Variants in NFIB observed in about 807,000 individuals in gnomAD.
NFIB encodes the protein nuclear factor I B.
A neutral mutation model predicts 61.5 loss-of-function variants in NFIB; 11 were observed. The observed-to-expected ratio is 0.18, with a 90% CI of 0.11 to 0.30. The LOEUF is 0.30. Ranked by LOEUF, NFIB falls within the 10% of genes least tolerant of loss-of-function variation. NFIB has a pLI of 1.00. For missense variants in NFIB, 471 were observed against 608.9 expected, an observed-to-expected ratio of 0.77 and a Z score of 2.38; for synonymous variants, 260 against 216.5, an observed-to-expected ratio of 1.20 and a Z score of -1.76.
the NFIB span, among the ~76,000 whole-genome samples, chr9:14,424,715 C>T: frequency 2.0e-5 from 3 of 152,112 alleles, no homozygotes; most frequent in Admixed American, 6.5e-5. Flanking sequence ...GCTCCGAGGG[C>T]GGGTTCTTGA....
intron 4 of NFIB, among the ~76,000 whole-genome samples, chr9:14,155,099 A>C (rs1168257668): frequency 6.6e-6 from 1 of 152,222 alleles, no homozygotes; most frequent in African/African-American, 2.4e-5. Context: ...AAATCAGTGA[A>C]GGGAGTATGA....
In NFIB at chr9:14,307,266, G is replaced by A. The variant is rs147319998; in HGVS notation, c.285C>T (p.Thr95=). The A allele has an allele frequency of 1.9e-5, 30 of 1,613,830 alleles. No homozygotes were observed. The Admixed American group carries it at 2.3e-4, about 13-fold the overall frequency. Residue 95 remains threonine, a synonymous_variant, in exon 2 of 11, where the codon ACC becomes ACT. Transcript: ENST00000380953. The surrounding 1 kb of genome is among the most constrained non-coding windows in gnomAD (Gnocchi z 5.3). The part of the protein sequence containing the change: ...RQEYREDFVL[T]VTGKKHPCCV... ...AGCACGGGTGCTTCTTGCCAGTCAC[G>A]GTGAGCACAAAGTCCTCTCGATACT...
At chr9:14,531,871 AG>A in the NFIB span, 3 of 152,074 alleles carry the variant, frequency 2.0e-5, no homozygotes, top group African/African-American at 4.8e-5. Context: ...ATGGAACAAT[AG>A]AGGAGGAGCT....
At chr9:14,162,261 A>G (rs575710751) in intron 3 of NFIB, among the ~76,000 whole-genome samples, 4 of 151,830 alleles carry the variant, frequency 2.6e-5, no homozygotes, top group Non-Finnish European at 1.5e-5. Context: ...TTTTTTTCTC[A>G]TTATCTGAAA....
intron 1 of NFIB, chr9:14,362,249 A>G (rs1204715282): frequency 6.6e-6 from 1 of 152,212 alleles, no homozygotes; most frequent in Non-Finnish European, 1.5e-5. Context: ...AGATATTTCA[A>G]AGCTGCCTGG....
Position 14,088,822 on chromosome 9 carries a change from G to A in NFIB, c.1468-496C>T, listed in dbSNP as rs142868938. Among the ~76,000 whole-genome samples, 208 of 152,126 alleles carry A rather than the reference G, an allele frequency of 1.4e-3. 3 individuals carry two copies. In the East Asian group the frequency reaches 0.031, roughly 23 times the overall value. On this transcript the variant is annotated intron_variant, in intron 10 of 10. Transcript: ENST00000380953. ...TGGGTTGAATACAATTGAAAAGTAC[G>A]GTGAAAGATATTTCTTTTCTCCTTA...
the NFIB span, among the ~76,000 whole-genome samples, chr9:14,518,429 TC>T: frequency 6.6e-6 from 1 of 151,460 alleles, no homozygotes; most frequent in African/African-American, 2.4e-5. Flanking sequence ...GTAAGAGTCT[TC>T]CTGATGAATG....
At chr9:14,341,366 T>C (rs1428936408) in intron 1 of NFIB, among the ~76,000 whole-genome samples, 2 of 152,144 alleles carry the variant, frequency 1.3e-5, no homozygotes, top group African/African-American at 4.8e-5. Context: ...GCTCTCTTTG[T>C]AGTTTACAGA....
Position 14,128,032 on chromosome 9 carries a change from T to C in NFIB, c.926-2266A>G, listed in dbSNP as rs140040110. 2.0e-4 allele frequency among the ~76,000 whole-genome samples: 30 copies of C among 150,748 alleles called. No homozygotes were observed. The East Asian group carries it at 4.7e-3, about 23-fold the overall frequency. On this transcript the variant is annotated intron_variant, in intron 6 of 10. Transcript: ENST00000380953. Reference sequence around the variant, plus strand: ...AAAATTTAAACCATGGTTTAAAAAATAGACAAAGCTCATTTTGCTATCTTC... The same window carrying C: ...AAAATTTAAACCATGGTTTAAAAAACAGACAAAGCTCATTTTGCTATCTTC...
chr9:14,381,631 G>T (rs2061490457), intron 1 of NFIB, among the ~76,000 whole-genome samples: 1 of 152,226 alleles, frequency 6.6e-6, no homozygotes, highest in Admixed American at 6.5e-5. Flanking sequence ...GTGACTAAGA[G>T]CAAGTGTGCA....
chr9:14,317,605 G>A (rs1203074561), upstream of NFIB, among the ~76,000 whole-genome samples: 1 of 152,208 alleles, frequency 6.6e-6, no homozygotes, highest in Non-Finnish European at 1.5e-5. Flanking sequence ...GGTTTATGGG[G>A]GTGCTCAGTT....
the NFIB span, among the ~76,000 whole-genome samples, chr9:14,526,894 G>C: frequency 1.4e-4 from 22 of 152,138 alleles, no homozygotes; most frequent in Non-Finnish European, 3.1e-4. Context: ...AAAGAGGATA[G>C]GCAGGCACTT....
chr9:14,216,138 T>C (rs1218654000), intron 2 of NFIB, among the ~76,000 whole-genome samples: 6 of 152,230 alleles, frequency 3.9e-5, no homozygotes, highest in African/African-American at 7.2e-5. Flanking sequence ...AAAAGATAGG[T>C]TGGCAATGGC....
At chr9:14,201,861 G>C (rs937562064) in intron 2 of NFIB, among the ~76,000 whole-genome samples, 1 of 151,646 alleles carries the variant, frequency 6.6e-6, no homozygotes, top group East Asian at 1.9e-4. Context: ...TCAATATTCT[G>C]ATTGTGACAT....
chr9:14,489,760 T>C, the NFIB span, among the ~76,000 whole-genome samples: 1 of 152,036 alleles, frequency 6.6e-6, no homozygotes, highest in Non-Finnish European at 1.5e-5. Context: ...TTACAAAATA[T>C]ATTTTTCATA....
the NFIB span, among the ~76,000 whole-genome samples, chr9:14,485,779 G>A: frequency 6.6e-6 from 1 of 152,230 alleles, no homozygotes; most frequent in African/African-American, 2.4e-5. Context: ...GGAGGCTGAG[G>A]CAGGAGAATC....
intron 2 of NFIB, among the ~76,000 whole-genome samples, chr9:14,223,316 C>T (rs748375364): frequency 6.6e-6 from 1 of 152,176 alleles, no homozygotes; most frequent in African/African-American, 2.4e-5. Flanking sequence ...TGACCTTGTC[C>T]TCGCCTTACT....
intron 2 of NFIB, among the ~76,000 whole-genome samples, chr9:14,281,487 T>A (rs1563971796): frequency 6.6e-6 from 1 of 152,120 alleles, no homozygotes; most frequent in South Asian, 2.1e-4. Flanking sequence ...ACCAAAAGAA[T>A]GTAGAGAAAT....
At chr9:14,364,142 C>G (rs1211072341) in intron 1 of NFIB, among the ~76,000 whole-genome samples, 1 of 152,144 alleles carries the variant, frequency 6.6e-6, no homozygotes, top group Non-Finnish European at 1.5e-5. Flanking sequence ...AAATTGCCCT[C>G]CAATAATTTT....
Sources: allele counts gnomAD v4.1 joint callset (sites outside exome capture counted in the v4.1 genomes callset), GRCh38; gene constraint gnomAD v4.1.1; non-coding constraint Gnocchi (gnomAD v3.1); transcripts MANE v1.5; gene names NCBI Gene and HGNC (gene_info 2026-07-23, HGNC 2026-07-21).